Variants in SOAT1 observed in about 807,000 individuals in gnomAD.
SOAT1 encodes the protein acyl-coenzyme A:cholesterol acyltransferase 1.
A neutral mutation model predicts 69.5 loss-of-function variants in SOAT1; 55 were observed. The ratio of observed to expected loss-of-function variants is 0.79; its 90% confidence interval spans 0.64 to 0.99. SOAT1 has a LOEUF of 0.99. Among genes scored for constraint, SOAT1 ranks in the 50% least tolerant of loss-of-function variants. The pLI is 0.00. For synonymous variants in SOAT1, 231 were observed against 224.7 expected, an observed-to-expected ratio of 1.03 and a Z score of -0.25; for missense variants, 580 against 669.3, an observed-to-expected ratio of 0.87 and a Z score of 1.47.
At chr1:179,347,728 T>C (rs764917304) in intron 12 of SOAT1, 31 bp downstream of exon 12, 3 of 1,258,530 alleles carry the variant, frequency 2.4e-6, no homozygotes, top group African/African-American at 3.0e-5. Context: ...GCTTTCTTTT[T>C]ACATTTTATT....
chr1:179,302,536 G>C lies in SOAT1; in HGVS notation c.-8-141G>C, dbSNP rs1203101828. On this transcript the variant is annotated intron_variant, in intron 1 of 15. Coordinates refer to ENST00000367619, the MANE Select transcript of SOAT1 (RefSeq NM_003101.6). ...CTCCCCTTGGTCTTCTGCCATGATT[G>C]TAAGTTTCCTGAGGCCTTTCCAGCC... is the stretch of plus-strand genomic sequence containing the variant. The C allele has an allele frequency of 3.9e-5, 19 of 489,266 alleles. 2 individuals carry two copies. The South Asian group carries it at 8.0e-4, about 21-fold the overall frequency. 30.3% of individuals were successfully genotyped at this position (489,266 alleles called of 1,614,324 possible).
At position 179,354,373 on chromosome 1, in the gene SOAT1, A is replaced by G. The variant is rs1221612289; in HGVS notation, c.*732A>G. 6.6e-6 allele frequency: 1 copy of G among 152,588 alleles called. No individual in the cohort carries two copies. Among genetic ancestry groups the G allele is most frequent in the Non-Finnish European group, 1.5e-5 (1 of 68,018 alleles). The allele number at this position is 152,588 out of a possible 1,614,324, so 9.5% of individuals were successfully genotyped here. Reference sequence around the variant, plus strand: ...AGGAAAAAATAAGAGATAGCAGAGGAAAAAGAAAAACATTTCCTCTTATAA... The same window carrying G: ...AGGAAAAAATAAGAGATAGCAGAGGGAAAAGAAAAACATTTCCTCTTATAA... On this transcript the variant is annotated 3_prime_UTR_variant, in exon 16 of 16. Transcript: ENST00000367619.
intron 4 of SOAT1, among the ~76,000 whole-genome samples, 176 bp from the exon 5 acceptor site, chr1:179,337,661 A>G (rs1365104955): frequency 6.6e-6 from 1 of 152,076 alleles, no homozygotes; most frequent in African/African-American, 2.4e-5. Context: ...CTGTAACACA[A>G]TATTTGGATC....
At chr1:179,326,036 C>T (rs895810065) in intron 3 of SOAT1, among the ~76,000 whole-genome samples, 1 of 152,008 alleles carries the variant, frequency 6.6e-6, no homozygotes, top group Non-Finnish European at 1.5e-5. Context: ...AAGACTTGTT[C>T]CCTGATGTTA....
chr1:179,338,495 A>G (rs1426242289), intron 5 of SOAT1, among the ~76,000 whole-genome samples: 3 of 152,196 alleles, frequency 2.0e-5, no homozygotes, highest in Non-Finnish European at 4.4e-5. Context: ...AGTCAAGTTG[A>G]TGTTTACTAC....
intron 2 of SOAT1, among the ~76,000 whole-genome samples, chr1:179,305,978 A>G (rs949191297): frequency 1.3e-5 from 2 of 152,214 alleles, no homozygotes; most frequent in African/African-American, 4.8e-5. Flanking sequence ...GAATGGAGGA[A>G]AGTCTCACTG....
chr1:179,336,310 A>G (rs1351954066), intron 4 of SOAT1, among the ~76,000 whole-genome samples: 1 of 150,888 alleles, frequency 6.6e-6, no homozygotes, highest in Non-Finnish European at 1.5e-5. Context: ...CAAAAATACA[A>G]CAATTAGCTG....
intron 4 of SOAT1, 86 bp downstream of exon 4, chr1:179,335,743 T>C: frequency 7.6e-7 from 1 of 1,321,472 alleles, no homozygotes; most frequent in South Asian, 1.6e-5. Context: ...TATGCTTGAG[T>C]TCACACCCTG....
In SOAT1 at chr1:179,305,293, C is replaced by T. The variant is rs541375883; in HGVS notation, c.118+2491C>T. ...GTGGACTCTTGCTCTGCTGTCCAGG[C>T]TGGAGTGCAGGGGCTATTCACAGGC... On this transcript the variant is annotated intron_variant, in intron 2 of 15. Transcript: ENST00000367619. Among the ~76,000 whole-genome samples the T allele has an allele frequency of 4.6e-5, 7 of 152,216 alleles. No individual in the cohort carries two copies. In the South Asian group the frequency reaches 1.5e-3, roughly 32 times the overall value.
intron 13 of SOAT1, 88 bp from the exon 14 acceptor site, chr1:179,350,208 C>T (rs1000177625): frequency 1.9e-6 from 2 of 1,031,976 alleles, no homozygotes; most frequent in African/African-American, 3.2e-5. Flanking sequence ...ACAATAGGTG[C>T]CTTTGGCATA....
At chr1:179,303,293 G>A (rs1352821943) in intron 2 of SOAT1, among the ~76,000 whole-genome samples, 1 of 152,144 alleles carries the variant, frequency 6.6e-6, no homozygotes. Context: ...GAGTAGTTAG[G>A]GAGTTTTATT....
Position 179,351,307 on chromosome 1 carries a change from C to T in SOAT1, c.1451-10C>T. 6.2e-7 allele frequency: 1 copy of T among 1,613,366 alleles called. No homozygotes were observed. Among genetic ancestry groups the T allele is most frequent in the African/African-American group, 1.3e-5 (1 of 74,942 alleles). ...AACTGTATATTTCTTTGTTGCCTTC[C>T]TATTTTTAGTGGCTTTCAACTTCAT... On this transcript the variant is annotated splice_polypyrimidine_tract_variant and intron_variant, in intron 14 of 15. Transcript: ENST00000367619.
intron 12 of SOAT1, among the ~76,000 whole-genome samples, chr1:179,348,330 T>C (rs1666602704): frequency 6.6e-6 from 1 of 152,188 alleles, no homozygotes; most frequent in Admixed American, 6.5e-5. Context: ...CTGATTTCAT[T>C]CATCTGATCT....
rs1312251319 is a variant in SOAT1, at chr1:179,339,435, CA to C, written c.390-2del. The stretch of plus-strand genomic sequence containing the variant: ...ACTTGTTTTGTTTGAACTACATTTA[CA>C]GTGAACTGCTTGAAGTGGACCACAT... On this transcript the variant is annotated splice_acceptor_variant, in intron 5 of 15. Coordinates refer to ENST00000367619, the MANE Select transcript of SOAT1 (RefSeq NM_003101.6). LOFTEE classifies it high-confidence loss of function. The C allele has an allele frequency of 2.5e-6, 4 of 1,580,854 alleles. No individual in the cohort carries two copies. Among genetic ancestry groups the C allele is most frequent in the Non-Finnish European group, 3.4e-6 (4 of 1,161,828 alleles).
Position 179,353,208 on chromosome 1 carries a change from A to AAT in SOAT1, c.1597-362_1597-361dup, listed in dbSNP as rs200860761. Among the ~76,000 whole-genome samples the AAT allele has an allele frequency of 7.3e-4, 6 of 8,194 alleles. 1 individual carries two copies. The highest frequency in any genetic ancestry group is 5.2e-3 in the East Asian group (1 of 194). The allele number at this position is 8,194 out of a possible 152,430, so 5.4% of individuals were successfully genotyped here. A position where few individuals can be genotyped will look rare whatever the true frequency, so the allele number is the denominator to read the frequency against. On this transcript the variant is annotated intron_variant, in intron 15 of 15. Transcript: ENST00000367619. ...AAAATCTAAATGGTGGTTATATATA[A>AAT]ATATATATATATATATCTATTTGTC...
chr1:179,333,795 TGCCCTCTA>T (rs1243348715), intron 3 of SOAT1, among the ~76,000 whole-genome samples: 3 of 86,144 alleles, frequency 3.5e-5, no homozygotes, highest in East Asian at 1.9e-3. Flanking sequence ...ATCATGCCGT[TGCCCTCTA>T]GCCTGGGCAA....
In SOAT1 at chr1:179,358,241, T is replaced by TA. The variant is rs1180001184; in HGVS notation, c.*4606dup. On this transcript the variant is annotated 3_prime_UTR_variant, in exon 16 of 16. Coordinates refer to ENST00000367619, the MANE Select transcript of SOAT1 (RefSeq NM_003101.6). ...ATTAGTCAAGCATATTATTAAAGTT[T>TA]AAAAAACTCTAAAACTTCTGTACTG... The TA allele has an allele frequency of 6.6e-6, 1 of 152,232 alleles. No individual in the cohort carries two copies. Among genetic ancestry groups the TA allele is most frequent in the Admixed American group, 6.5e-5 (1 of 15,284 alleles). The allele number at this position is 152,232 out of a possible 1,614,324, so 9.4% of individuals were successfully genotyped here. A position where few individuals can be genotyped will look rare whatever the true frequency, so the allele number is the denominator to read the frequency against.
chr1:179,344,352 GGTTTTTTTTTTTTTTTTTTT>G lies in SOAT1; in HGVS notation c.988-594_988-575del, dbSNP rs1400373109. On this transcript the variant is annotated intron_variant, in intron 10 of 15. Transcript: ENST00000367619. Reference sequence around the variant, plus strand: ...TATGAAGTAAGTTCTTTCATTAAGGGGTTTTTTTTTTTTTTTTTTTTTTTTTTTTTTTTTTTTTTTGAGAA... The same window carrying G: ...TATGAAGTAAGTTCTTTCATTAAGGGTTTTTTTTTTTTTTTTTTTTGAGAA... Among the ~76,000 whole-genome samples, 42 of 120,560 alleles carry G rather than the reference GGTTTTTTTTTTTTTTTTTTT, an allele frequency of 3.5e-4. 4 individuals are homozygous for G. The highest frequency in any genetic ancestry group is 1.7e-3 in the Admixed American group (19 of 11,360). 79.1% of individuals were successfully genotyped at this position (120,560 alleles called of 152,430 possible). A position where few individuals can be genotyped will look rare whatever the true frequency, so the allele number is the denominator to read the frequency against.
At chr1:179,338,364 G>A (rs1424130629) in intron 5 of SOAT1, among the ~76,000 whole-genome samples, 2 of 152,164 alleles carry the variant, frequency 1.3e-5, no homozygotes, top group Admixed American at 6.5e-5. Context: ...ACTCCAGCCT[G>A]AGCACCAGGT....
Sources: allele counts gnomAD v4.1 joint callset (sites outside exome capture counted in the v4.1 genomes callset), GRCh38; gene constraint gnomAD v4.1.1; transcripts MANE v1.5; gene names NCBI Gene and HGNC (gene_info 2026-07-23, HGNC 2026-07-21).